NTM: variants seen among roughly 807,000 people sequenced by gnomAD.
The protein encoded by NTM is IgLON family member 2.
NTM carries 13 observed loss-of-function variants against 42.1 expected under a neutral mutation model. The observed-to-expected ratio is 0.31, with a 90% CI of 0.20 to 0.49. NTM has a LOEUF of 0.49. Among genes scored for constraint, NTM ranks in the 20% least tolerant of loss-of-function variants. The probability of loss-of-function intolerance (pLI) is 0.99; values close to 1 mark genes in which losing one functional copy is unlikely to be tolerated. For missense variants in NTM, 373 were observed against 452.8 expected, an observed-to-expected ratio of 0.82 and a Z score of 1.60; for synonymous variants, 187 against 179.2, an observed-to-expected ratio of 1.04 and a Z score of -0.35.
intron 3 of NTM, among the ~76,000 whole-genome samples, chr11:132,193,008 T>C (rs1450901586): frequency 6.6e-6 from 1 of 150,778 alleles, no homozygotes; most frequent in Non-Finnish European, 1.5e-5. Flanking sequence ...TAAAACAACT[T>C]CTTAGAGATC....
chr11:131,672,230 C>T (rs1047199238), intron 1 of NTM, among the ~76,000 whole-genome samples: 6 of 152,238 alleles, frequency 3.9e-5, no homozygotes, highest in Non-Finnish European at 8.8e-5. Flanking sequence ...TGAACATTTC[C>T]CCTCTGGGGA....
chr11:132,060,892 G>A (rs755469254), intron 2 of NTM, among the ~76,000 whole-genome samples: 3 of 152,194 alleles, frequency 2.0e-5, no homozygotes, highest in African/African-American at 4.8e-5. Flanking sequence ...GGTCTAGAAT[G>A]TGAATGTTTG....
At position 131,595,898 on chromosome 11, in the gene NTM, G is replaced by A. The variant is rs79439343; in HGVS notation, c.82+225010G>A. ...GTTGAACAAAAAGCAGTAGAAAGAA[G>A]CCAGGGGTTCTTGTCAACAGGACAT... On this transcript the variant is annotated intron_variant, in intron 1 of 8. Transcript: ENST00000683400. Among the ~76,000 whole-genome samples the A allele has an allele frequency of 7.4e-3, 1,130 of 152,326 alleles. 17 individuals are homozygous for A. Among genetic ancestry groups the A allele is most frequent in the African/African-American group, 0.026 (1,063 of 41,578 alleles).
chr11:131,788,052 T>C (rs992111496), intron 1 of NTM, among the ~76,000 whole-genome samples: 1 of 152,222 alleles, frequency 6.6e-6, no homozygotes, highest in Non-Finnish European at 1.5e-5. Flanking sequence ...TTCATCAGAC[T>C]CACAAAGGAC....
intron 2 of NTM, among the ~76,000 whole-genome samples, chr11:132,056,364 T>C (rs560138713): frequency 6.6e-6 from 1 of 152,328 alleles, no homozygotes; most frequent in South Asian, 2.1e-4. Flanking sequence ...TATACATTGA[T>C]AAATTTTCAA....
intron 1 of NTM, among the ~76,000 whole-genome samples, chr11:131,674,681 T>C (rs564799837): frequency 1.7e-4 from 26 of 152,326 alleles, no homozygotes; most frequent in African/African-American, 6.3e-4. Context: ...TTGTTCCCAT[T>C]TGCAGTTACA....
intron 1 of NTM, among the ~76,000 whole-genome samples, chr11:131,805,862 AGCTTTAT>A (rs1353891423): frequency 1.3e-5 from 2 of 152,336 alleles, no homozygotes; most frequent in Admixed American, 1.3e-4. Flanking sequence ...AGATTTAGAA[AGCTTTAT>A]GCTTTAAAAA....
chr11:131,974,066 ATTTTC>A (rs10582287), intron 2 of NTM, among the ~76,000 whole-genome samples: 57,269 of 151,498 alleles, frequency 0.38, 10,909 homozygotes, highest in Non-Finnish European at 0.39. Context: ...TCTTAATAAC[ATTTTC>A]TTTTCTCTAG....
At chr11:131,815,276 A>G (rs2092906022) in intron 1 of NTM, among the ~76,000 whole-genome samples, 1 of 152,088 alleles carries the variant, frequency 6.6e-6, no homozygotes, top group Non-Finnish European at 1.5e-5. Flanking sequence ...AAGAGCTTAC[A>G]AAGGACTGCC....
chr11:131,883,501 G>A (rs1592538455), intron 1 of NTM, among the ~76,000 whole-genome samples: 1 of 116,046 alleles, frequency 8.6e-6, no homozygotes, highest in African/African-American at 2.7e-5. Flanking sequence ...CAGAGAGGGA[G>A]AGAGAAAAAA....
chr11:131,419,404 G>A (rs1325900172), intron 1 of NTM, among the ~76,000 whole-genome samples: 1 of 152,192 alleles, frequency 6.6e-6, no homozygotes, highest in Non-Finnish European at 1.5e-5. Flanking sequence ...GTAGAGGGAG[G>A]TTTCCATAGG....
chr11:132,057,086 G>A (rs1594190201), intron 2 of NTM, among the ~76,000 whole-genome samples: 1 of 152,184 alleles, frequency 6.6e-6, no homozygotes, highest in East Asian at 1.9e-4. Flanking sequence ...TAACACAATT[G>A]AGGCAAAGAT....
intron 2 of NTM, among the ~76,000 whole-genome samples, chr11:131,915,593 A>C (rs2056179233): frequency 6.6e-6 from 1 of 152,214 alleles, no homozygotes; most frequent in Non-Finnish European, 1.5e-5. Context: ...TCTTTCAAGA[A>C]GGGGACTGTA....
intron 4 of NTM, among the ~76,000 whole-genome samples, chr11:132,303,712 C>CAA (rs139688601): frequency 1.1e-3 from 126 of 113,142 alleles, no homozygotes; most frequent in Non-Finnish European, 2.0e-3. Context: ...TTCTAGGTGA[C>CAA]AAAAAAAAAA....
chr11:131,470,734 C>G (rs560063466), intron 1 of NTM, among the ~76,000 whole-genome samples: 1 of 152,160 alleles, frequency 6.6e-6, no homozygotes, highest in Admixed American at 6.5e-5. Context: ...TGAAAGCAGC[C>G]CTGGTCTTCA....
intron 2 of NTM, among the ~76,000 whole-genome samples, chr11:132,013,014 T>C (rs1275661367): frequency 2.6e-5 from 4 of 152,130 alleles, no homozygotes; most frequent in African/African-American, 9.7e-5. Flanking sequence ...AGATATCTAA[T>C]TGGAATTGTT....
intron 3 of NTM, among the ~76,000 whole-genome samples, chr11:132,199,905 C>T (rs181669006): frequency 1.7e-3 from 256 of 151,924 alleles, no homozygotes; most frequent in Non-Finnish European, 2.5e-3. Flanking sequence ...TAAAGACATT[C>T]GGTATTTCTA....
intron 1 of NTM, among the ~76,000 whole-genome samples, chr11:131,622,115 G>A (rs1047888857): frequency 6.6e-6 from 1 of 151,996 alleles, no homozygotes; most frequent in African/African-American, 2.4e-5. Flanking sequence ...GTGGGAGGAT[G>A]GGGGGGACCA....
chr11:132,281,436 A>G (rs1485183552), intron 4 of NTM, among the ~76,000 whole-genome samples: 2 of 152,214 alleles, frequency 1.3e-5, no homozygotes, highest in Non-Finnish European at 2.9e-5. Context: ...AAGTATATGC[A>G]TATACGTATA....
Sources: allele counts gnomAD v4.1 joint callset (sites outside exome capture counted in the v4.1 genomes callset), GRCh38; gene constraint gnomAD v4.1.1; transcripts MANE v1.5; gene names NCBI Gene and HGNC (gene_info 2026-07-23, HGNC 2026-07-21).